The following CNTN4 variants were observed in gnomAD, a reference collection of about 807,000 sequenced individuals.
The protein encoded by CNTN4 is contactin-4.
In CNTN4, 77 loss-of-function variants were observed where a neutral mutation model predicts 122.5. That is an observed-to-expected ratio of 0.63 (90% confidence interval 0.52 to 0.76). CNTN4 has a LOEUF of 0.76. Among genes scored for constraint, CNTN4 ranks in the 30% least tolerant of loss-of-function variants. The pLI is 0.00. For synonymous variants in CNTN4, 512 were observed against 447.0 expected, an observed-to-expected ratio of 1.15 and a Z score of -1.83; for missense variants, 1,256 against 1,259.1, an observed-to-expected ratio of 1.00 and a Z score of 0.04.
At chr3:2,120,887 A>G (rs1015702682) in intron 2 of CNTN4, among the ~76,000 whole-genome samples, 12 of 152,248 alleles carry the variant, frequency 7.9e-5, no homozygotes, top group East Asian at 5.8e-4. Flanking sequence ...AAATGTTTCT[A>G]TTATCTCAAT....
intron 7 of CNTN4, among the ~76,000 whole-genome samples, chr3:2,857,702 C>T (rs1302664512): frequency 6.6e-6 from 1 of 152,160 alleles, no homozygotes; most frequent in Admixed American, 6.5e-5. Context: ...CTCAGCCTCT[C>T]CAGACTCCTG....
At chr3:2,412,095 C>G (rs1274472955) in intron 3 of CNTN4, among the ~76,000 whole-genome samples, 1 of 152,056 alleles carries the variant, frequency 6.6e-6, no homozygotes, top group Non-Finnish European at 1.5e-5. Context: ...TTATGTCTGG[C>G]TTATTTTGCT....
In CNTN4 at chr3:2,540,218, T is replaced by G. The variant is rs192038903; in HGVS notation, c.-88-31198T>G. Among the ~76,000 whole-genome samples, 19 of 152,182 alleles carry G rather than the reference T, an allele frequency of 1.2e-4. No homozygotes were observed. The East Asian group carries it at 3.5e-3, about 28-fold the overall frequency. ...ATTTATTTGCCTCCCTTTGGAAGTT[T>G]ATTTCCTTTTGTGATTAATAACAAA... On this transcript the variant is annotated intron_variant, in intron 3 of 24. Coordinates refer to ENST00000418658, the MANE Select transcript of CNTN4 (RefSeq NM_175607.3).
At chr3:2,738,945 TAAAC>T (rs1276913836) in intron 5 of CNTN4, among the ~76,000 whole-genome samples, 2 of 152,026 alleles carry the variant, frequency 1.3e-5, no homozygotes, top group Admixed American at 6.5e-5. Flanking sequence ...TATACTGAAA[TAAAC>T]AAAATTACAA....
At chr3:2,778,174 A>G (rs934524912) in intron 6 of CNTN4, among the ~76,000 whole-genome samples, 1 of 141,868 alleles carries the variant, frequency 7.0e-6, no homozygotes, top group African/African-American at 2.7e-5. Context: ...AGATCGCGCC[A>G]CTGCACTCCA....
At chr3:2,620,120 A>C (rs1338201673) in intron 4 of CNTN4, among the ~76,000 whole-genome samples, 1 of 152,190 alleles carries the variant, frequency 6.6e-6, no homozygotes, top group African/African-American at 2.4e-5. Context: ...AAGCAGGACA[A>C]TGCCATACCA....
chr3:2,121,018 T>C (rs2033742715), intron 2 of CNTN4, among the ~76,000 whole-genome samples: 1 of 152,128 alleles, frequency 6.6e-6, no homozygotes, highest in Admixed American at 6.5e-5. Context: ...TTTCTCTGCA[T>C]CTGAAGCCAC....
At chr3:2,824,748 G>A (rs897314482) in intron 7 of CNTN4, among the ~76,000 whole-genome samples, 5 of 152,110 alleles carry the variant, frequency 3.3e-5, no homozygotes, top group South Asian at 2.1e-4. Context: ...TGCAACCTCC[G>A]CCTCCTGGGT....
At chr3:2,316,892 C>T (rs1177513323) in intron 2 of CNTN4, among the ~76,000 whole-genome samples, 1 of 152,102 alleles carries the variant, frequency 6.6e-6, no homozygotes, top group Non-Finnish European at 1.5e-5. Flanking sequence ...TAATAAGTAA[C>T]TCAAAAGGAA....
At chr3:2,825,172 G>A (rs1238894720) in intron 7 of CNTN4, among the ~76,000 whole-genome samples, 1 of 152,028 alleles carries the variant, frequency 6.6e-6, no homozygotes, top group African/African-American at 2.4e-5. Context: ...CTTGAGCCCA[G>A]GAGTTGGAGA....
chr3:3,045,829 C>T (rs949832077), intron 23 of CNTN4, among the ~76,000 whole-genome samples: 29 of 152,218 alleles, frequency 1.9e-4, no homozygotes, highest in East Asian at 5.8e-4. Flanking sequence ...CAAACTTCTC[C>T]GAGCTAAAGG....
intron 4 of CNTN4, among the ~76,000 whole-genome samples, chr3:2,735,004 A>C (rs1259474437): frequency 6.6e-6 from 1 of 152,230 alleles, no homozygotes; most frequent in African/African-American, 2.4e-5. Flanking sequence ...TTCAAAGTAA[A>C]GCAGATTCTT....
At chr3:2,266,858 T>C (rs1232157402) in intron 2 of CNTN4, among the ~76,000 whole-genome samples, 1 of 152,128 alleles carries the variant, frequency 6.6e-6, no homozygotes, top group Non-Finnish European at 1.5e-5. Flanking sequence ...TTGGAAGTTT[T>C]AGACATCAAA....
chr3:2,137,097 G>T (rs975980826), intron 2 of CNTN4, among the ~76,000 whole-genome samples: 2 of 133,114 alleles, frequency 1.5e-5, no homozygotes, highest in African/African-American at 2.8e-5. Context: ...TCACACTTTA[G>T]TTCAGATATA....
chr3:2,274,499 GA>G (rs745614624), intron 2 of CNTN4, among the ~76,000 whole-genome samples: 21 of 142,666 alleles, frequency 1.5e-4, no homozygotes, highest in Admixed American at 3.7e-4. Flanking sequence ...CAAAACTAAA[GA>G]AACACTGTTC....
intron 4 of CNTN4, among the ~76,000 whole-genome samples, chr3:2,679,287 T>C (rs1391306917): frequency 6.6e-6 from 1 of 152,214 alleles, no homozygotes; most frequent in African/African-American, 2.4e-5. Flanking sequence ...GCTTAATTAT[T>C]GGAATACCTT....
chr3:2,886,703 G>A (rs1296218356), intron 9 of CNTN4, among the ~76,000 whole-genome samples: 2 of 151,154 alleles, frequency 1.3e-5, no homozygotes, highest in Admixed American at 6.6e-5. Flanking sequence ...TAGTAGAGAC[G>A]GGGTTTCACC....
intron 2 of CNTN4, among the ~76,000 whole-genome samples, chr3:2,134,490 G>C (rs2034593582): frequency 6.6e-6 from 1 of 152,202 alleles, no homozygotes; most frequent in African/African-American, 2.4e-5. Context: ...TATTGTGAAT[G>C]ATGGTGTAAT....
intron 6 of CNTN4, among the ~76,000 whole-genome samples, chr3:2,818,241 G>A (rs1209646069): frequency 5.3e-5 from 8 of 152,204 alleles, no homozygotes; most frequent in African/African-American, 7.2e-5. Flanking sequence ...AACTTAAAAT[G>A]TCCCTAATTC....
Sources: allele counts gnomAD v4.1 joint callset (sites outside exome capture counted in the v4.1 genomes callset), GRCh38; gene constraint gnomAD v4.1.1; transcripts MANE v1.5; gene names NCBI Gene and HGNC (gene_info 2026-07-23, HGNC 2026-07-21).